The following RAMP1 variants were observed in gnomAD, a reference collection of about 807,000 sequenced individuals.
RAMP1 encodes receptor activity-modifying protein 1.
Under a neutral mutation model 8.2 loss-of-function variants are expected in RAMP1, and 7 were observed. The ratio of observed to expected loss-of-function variants is 0.85; its 90% CI spans 0.49 to 1.60. The LOEUF (loss-of-function observed/expected upper bound fraction) is 1.60, where lower values mean the gene tolerates loss of function less well. Among genes scored for constraint, RAMP1 ranks in the 40% most tolerant of loss-of-function variants. The pLI is 0.00. For synonymous variants in RAMP1, 92 were observed against 84.7 expected (o/e 1.09, Z -0.47); for missense variants, 192 against 202.4 (o/e 0.95, Z 0.31).
chr2:237,860,949 T>C lies in RAMP1; in HGVS notation c.52+1222T>C, dbSNP rs533282283. Among the ~76,000 whole-genome samples, 15 of 152,346 alleles carry C rather than the reference T, an allele frequency of 9.8e-5. No homozygotes were observed. In the East Asian group the frequency reaches 2.7e-3, roughly 27 times the overall value. The stretch of plus-strand genomic sequence containing the variant: ...AATCTGAAAGCGGATCTTGCCACTT[T>C]AGAGTTTTGGCTGAAGTTACGTGGA... On this transcript the variant is annotated intron_variant, in intron 1 of 2. Transcript: ENST00000254661.
rs77878671 is a variant in RAMP1, at chr2:237,909,746, C to T, written c.192-1782C>T. The stretch of plus-strand genomic sequence containing the variant: ...CACTTGGGTTTTGTCCACTTCATTT[C>T]AAAGGGCATCCTGTGGCCTACAAAC... On this transcript the variant is annotated intron_variant, in intron 2 of 2. Transcript: ENST00000254661. 2.8e-4 allele frequency among the ~76,000 whole-genome samples: 43 copies of T among 152,262 alleles called. No individual in the cohort carries two copies. In the East Asian group the frequency reaches 8.1e-3, roughly 29 times the overall value.
chr2:237,909,672 C>G (rs1416372834), intron 2 of RAMP1, among the ~76,000 whole-genome samples: 2 of 152,120 alleles, frequency 1.3e-5, no homozygotes, highest in Non-Finnish European at 2.9e-5. Context: ...CACTTGACAC[C>G]CACGTCCTGG....
chr2:237,908,449 CAG>C (rs1004874429), intron 2 of RAMP1, among the ~76,000 whole-genome samples: 1 of 86,220 alleles, frequency 1.2e-5, no homozygotes, highest in African/African-American at 3.5e-5. Context: ...GTTTTTGAGA[CAG>C]AGTCTTGCTC....
In RAMP1 at chr2:237,878,922, C is replaced by G. The variant is rs1280112326; in HGVS notation, c.191+1560C>G. Among the ~76,000 whole-genome samples, 1 of 152,244 alleles carries G rather than the reference C, an allele frequency of 6.6e-6. No homozygotes were observed. The highest frequency in any genetic ancestry group is 2.4e-5 in the African/African-American group (1 of 41,472). ...CCAGCCTCAAAGGCCCCTGATAAGA[C>G]ACAGTGAACCAGGGAGCCCACCCCA... On this transcript the variant is annotated intron_variant, in intron 2 of 2. Transcript: ENST00000254661. The surrounding 1 kb of genome is among the most constrained non-coding windows in gnomAD (Gnocchi z 5.7).
intron 2 of RAMP1, among the ~76,000 whole-genome samples, chr2:237,886,942 C>A (rs2062440082): frequency 1.3e-5 from 2 of 152,224 alleles, no homozygotes; most frequent in Non-Finnish European, 2.9e-5. Context: ...CCTGTGGACA[C>A]TCGACTACAG....
intron 2 of RAMP1, among the ~76,000 whole-genome samples, chr2:237,892,874 G>A (rs1375443452): frequency 2.6e-5 from 4 of 151,046 alleles, no homozygotes; most frequent in African/African-American, 4.9e-5. Context: ...TAATTTTTAC[G>A]CTGTTTTTCT....
intron 2 of RAMP1, among the ~76,000 whole-genome samples, chr2:237,909,992 G>A (rs763408156): frequency 6.6e-6 from 1 of 152,082 alleles, no homozygotes; most frequent in African/African-American, 2.4e-5. Flanking sequence ...TGCCCGTGCC[G>A]CCCAGGCCCC....
intron 2 of RAMP1, among the ~76,000 whole-genome samples, chr2:237,881,725 T>C (rs1464010175): frequency 6.6e-6 from 1 of 152,220 alleles, no homozygotes; most frequent in Non-Finnish European, 1.5e-5. Context: ...TTTTGGCAAA[T>C]TGTGTCTTTT....
chr2:237,875,899 G>A (rs2062298260), intron 1 of RAMP1, among the ~76,000 whole-genome samples: 1 of 152,062 alleles, frequency 6.6e-6, no homozygotes, highest in Non-Finnish European at 1.5e-5. Context: ...GGGACATCAG[G>A]CCATTCCCTG....
At chr2:237,884,942 G>A (rs533504631) in intron 2 of RAMP1, among the ~76,000 whole-genome samples, 27 of 152,350 alleles carry the variant, frequency 1.8e-4, no homozygotes, top group African/African-American at 4.1e-4. Flanking sequence ...GCAGCCCAGC[G>A]TGGTAGTTGG....
intron 1 of RAMP1, among the ~76,000 whole-genome samples, chr2:237,872,506 G>C (rs541202282): frequency 1.3e-5 from 2 of 152,342 alleles, no homozygotes; most frequent in Admixed American, 6.5e-5. Context: ...TCCTGGCCAA[G>C]GGTCTCAGAG....
chr2:237,880,585 A>G (rs1422109015), intron 2 of RAMP1, among the ~76,000 whole-genome samples: 1 of 152,196 alleles, frequency 6.6e-6, no homozygotes, highest in African/African-American at 2.4e-5. Context: ...GTGAATCCCT[A>G]TTTAAGCCAT....
intron 2 of RAMP1, among the ~76,000 whole-genome samples, chr2:237,894,424 G>T (rs994976430): frequency 6.6e-6 from 1 of 152,228 alleles, no homozygotes; most frequent in Non-Finnish European, 1.5e-5. Flanking sequence ...AGGAGGAGCC[G>T]GGGGCAGTGC....
intron 2 of RAMP1, among the ~76,000 whole-genome samples, chr2:237,909,326 G>A (rs143185391): frequency 1.2e-3 from 182 of 152,102 alleles, no homozygotes; most frequent in African/African-American, 3.8e-3. Context: ...AGCGGTCCCC[G>A]AGCATGAGCG....
intron 2 of RAMP1, among the ~76,000 whole-genome samples, chr2:237,879,215 C>T (rs537601529): frequency 5.9e-5 from 9 of 152,248 alleles, no homozygotes; most frequent in South Asian, 2.1e-4. Flanking sequence ...CACTCTCCCC[C>T]GCCTGCTTTG....
At chr2:237,869,033 G>A (rs987247781) in intron 1 of RAMP1, among the ~76,000 whole-genome samples, 3 of 152,002 alleles carry the variant, frequency 2.0e-5, no homozygotes, top group African/African-American at 4.8e-5. Context: ...TATCCATCCC[G>A]GTCATCATAT....
At position 237,878,446 on chromosome 2, in the gene RAMP1, C is replaced by T. The variant is rs1276248355; in HGVS notation, c.191+1084C>T. ...GTTGAAGACCCCTAGTTGGACTCGT[C>T]ACCCCTCCCCTGTGGGTTGCAGGCT... On this transcript the variant is annotated intron_variant, in intron 2 of 2. Transcript: ENST00000254661. The surrounding 1 kb of genome is among the most constrained non-coding windows in gnomAD (Gnocchi z 5.7). Among the ~76,000 whole-genome samples the T allele has an allele frequency of 6.6e-6, 1 of 152,242 alleles. No individual in the cohort carries two copies. The highest frequency in any genetic ancestry group is 1.5e-5 in the Non-Finnish European group (1 of 68,046).
rs1402240615 is a variant in RAMP1 at position 237,877,171 on chromosome 2, C to A, written c.53-53C>A. 1.1e-5 allele frequency: 18 copies of A among 1,610,206 alleles called. No homozygotes were observed. Among genetic ancestry groups the A allele is most frequent in the Non-Finnish European group, 1.4e-5 (16 of 1,179,594 alleles). ...AGGGGCGCGCGGGCTGGCGGTGATA[C>A]CCCTAGGCCTCTGCTGCCGCCCGCC... On this transcript the variant is annotated intron_variant, in intron 1 of 2. Coordinates refer to ENST00000254661, the MANE Select transcript of RAMP1 (RefSeq NM_005855.4). The surrounding 1 kb of genome is among the most constrained non-coding windows in gnomAD (Gnocchi z 4.4).
chr2:237,877,166 T>G lies in RAMP1; in HGVS notation c.53-58T>G, dbSNP rs1576540102. 6.2e-7 allele frequency: 1 copy of G among 1,608,272 alleles called. No individual in the cohort carries two copies. On this transcript the variant is annotated intron_variant, in intron 1 of 2. Coordinates refer to ENST00000254661, the MANE Select transcript of RAMP1 (RefSeq NM_005855.4). This position sits in a 1 kb window ranked among gnomAD's most constrained non-coding sequence, Gnocchi z 4.4. ...GCTGCAGGGGCGCGCGGGCTGGCGGTGATACCCCTAGGCCTCTGCTGCCGC... is the reference window on the plus strand; with the variant it reads ...GCTGCAGGGGCGCGCGGGCTGGCGGGGATACCCCTAGGCCTCTGCTGCCGC...
Sources: gnomAD v4.1 joint callset for allele counts (sites outside exome capture counted in the v4.1 genomes callset) on GRCh38, gnomAD v4.1.1 for gene constraint, Gnocchi (gnomAD v3.1) non-coding constraint, MANE v1.5 for transcripts, NCBI Gene and HGNC (gene_info 2026-07-23, HGNC 2026-07-21) for gene names.